Variants in ASTN2 observed in about 807,000 individuals in gnomAD.
ASTN2 encodes the protein astrotactin-2.
In ASTN2, 54 loss-of-function variants were observed where a neutral mutation model predicts 139.8. That is an observed-to-expected ratio of 0.39 (90% CI 0.31 to 0.48). The LOEUF (loss-of-function observed/expected upper bound fraction) is 0.48, where lower values mean the gene tolerates loss of function less well. Among genes scored for constraint, ASTN2 ranks in the 20% least tolerant of loss-of-function variants. The pLI, the probability that ASTN2 is intolerant of heterozygous loss-of-function variation, is 0.95. For missense variants in ASTN2, 1,565 were observed against 1,725.1 expected (o/e 0.91, Z 1.64); for synonymous variants, 756 against 719.5 (o/e 1.05, Z -0.81).
chr9:116,436,045 G>T (rs1396042), intron 22 of ASTN2, among the ~76,000 whole-genome samples: 140,518 of 152,232 alleles, frequency 0.92, 64,866 homozygotes, highest in East Asian at 0.96. Context: ...AGTCTTTTCC[G>T]CACTAGATGC....
chr9:116,477,163 C>T (rs1256916908), intron 20 of ASTN2, among the ~76,000 whole-genome samples: 3 of 152,092 alleles, frequency 2.0e-5, no homozygotes, highest in African/African-American at 7.2e-5. Context: ...CTTGAGAGTC[C>T]CCAGCAGGTT....
At chr9:116,885,695 A>AC (rs1224740537) in intron 10 of ASTN2, among the ~76,000 whole-genome samples, 1 of 152,120 alleles carries the variant, frequency 6.6e-6, no homozygotes, top group African/African-American at 2.4e-5. Flanking sequence ...AAACAAACAA[A>AC]AAAAAACCTC....
At chr9:116,655,016 C>T (rs1858127106) in intron 16 of ASTN2, among the ~76,000 whole-genome samples, 1 of 152,134 alleles carries the variant, frequency 6.6e-6, no homozygotes, top group South Asian at 2.1e-4. Flanking sequence ...GAAAATTGCA[C>T]CACAGTAGCA....
chr9:117,347,300 C>T (rs1316438811), intron 1 of ASTN2, among the ~76,000 whole-genome samples: 1 of 152,060 alleles, frequency 6.6e-6, no homozygotes, highest in African/African-American at 2.4e-5. Context: ...ATACATTATA[C>T]TGATAGCGCA....
chr9:116,754,998 A>C (rs750981026), intron 13 of ASTN2, among the ~76,000 whole-genome samples: 3 of 152,106 alleles, frequency 2.0e-5, no homozygotes, highest in Non-Finnish European at 2.9e-5. Flanking sequence ...CTTCATTCTG[A>C]ACCAGTTTTG....
intron 4 of ASTN2, among the ~76,000 whole-genome samples, chr9:117,098,787 A>AG (rs921558633): frequency 1.3e-5 from 2 of 151,740 alleles, no homozygotes; most frequent in African/African-American, 2.4e-5. Flanking sequence ...TTAAAAAAAA[A>AG]AAAAAGAAGA....
chr9:117,227,204 C>T (rs1832743641), intron 2 of ASTN2, among the ~76,000 whole-genome samples: 1 of 152,166 alleles, frequency 6.6e-6, no homozygotes, highest in African/African-American at 2.4e-5. Flanking sequence ...TTTGCACCTG[C>T]TCTACCACAG....
chr9:116,766,969 C>T (rs1263612253), intron 13 of ASTN2, among the ~76,000 whole-genome samples: 1 of 151,758 alleles, frequency 6.6e-6, no homozygotes, highest in East Asian at 1.9e-4. Flanking sequence ...AGTAACATCA[C>T]ACACAGAAGC....
chr9:116,863,956 T>A (rs1832957836), intron 10 of ASTN2, among the ~76,000 whole-genome samples: 1 of 152,192 alleles, frequency 6.6e-6, no homozygotes, highest in Admixed American at 6.5e-5. Flanking sequence ...CTATACTCTT[T>A]ATTTTATTAA....
intron 7 of ASTN2, among the ~76,000 whole-genome samples, chr9:116,992,705 T>G (rs1298624988): frequency 1.3e-5 from 2 of 152,162 alleles, no homozygotes; most frequent in Non-Finnish European, 2.9e-5. Flanking sequence ...AACTGGGTCT[T>G]GGGCTCAAAC....
chr9:117,405,344 T>C (rs1163879100), intron 1 of ASTN2, among the ~76,000 whole-genome samples: 3 of 152,216 alleles, frequency 2.0e-5, no homozygotes, highest in Non-Finnish European at 2.9e-5. Flanking sequence ...GGTAGGTTCC[T>C]TCACTCCTCT....
At chr9:117,111,666 T>A (rs1829253425) in intron 4 of ASTN2, among the ~76,000 whole-genome samples, 1 of 152,086 alleles carries the variant, frequency 6.6e-6, no homozygotes, top group African/African-American at 2.4e-5. Flanking sequence ...CCAAATTTGA[T>A]GTAAGATATA....
intron 19 of ASTN2, among the ~76,000 whole-genome samples, chr9:116,511,176 G>C (rs906675518): frequency 6.6e-5 from 10 of 152,054 alleles, no homozygotes; most frequent in African/African-American, 9.7e-5. Context: ...AGATACGTCC[G>C]ATCAATACCT....
At chr9:116,742,044 C>T (rs980545816) in intron 13 of ASTN2, among the ~76,000 whole-genome samples, 5 of 152,210 alleles carry the variant, frequency 3.3e-5, no homozygotes, top group Non-Finnish European at 7.3e-5. Context: ...TACTCACAGG[C>T]TGATAGGAGA....
intron 19 of ASTN2, among the ~76,000 whole-genome samples, chr9:116,517,775 G>T (rs539540899): frequency 5.2e-4 from 79 of 152,122 alleles, no homozygotes; most frequent in African/African-American, 1.9e-3. Flanking sequence ...GATATGAAAG[G>T]AAAATTCTTC....
chr9:116,991,120 C>T (rs1320901845), intron 7 of ASTN2, among the ~76,000 whole-genome samples: 1 of 151,906 alleles, frequency 6.6e-6, no homozygotes, highest in Non-Finnish European at 1.5e-5. Context: ...AAGGCAGGGA[C>T]ATAACAGACC....
At chr9:116,488,749 T>TTAA (rs1196688695) in intron 19 of ASTN2, among the ~76,000 whole-genome samples, 2 of 152,186 alleles carry the variant, frequency 1.3e-5, no homozygotes, top group Non-Finnish European at 2.9e-5. Context: ...AAACAAATGT[T>TTAA]TAAGGTGGAC....
intron 22 of ASTN2, among the ~76,000 whole-genome samples, chr9:116,434,508 G>A (rs1037386744): frequency 2.0e-5 from 3 of 152,162 alleles, no homozygotes; most frequent in Admixed American, 6.5e-5. Context: ...TGATTTCTGC[G>A]ATCTATTCGT....
intron 12 of ASTN2, among the ~76,000 whole-genome samples, chr9:116,806,283 G>A (rs1345230235): frequency 6.6e-6 from 1 of 152,164 alleles, no homozygotes; most frequent in Admixed American, 6.5e-5. Context: ...GACAGCACAA[G>A]GCTTCTGTTC....
Sources: gnomAD v4.1 joint callset for allele counts (sites outside exome capture counted in the v4.1 genomes callset) on GRCh38, gnomAD v4.1.1 for gene constraint, MANE v1.5 for transcripts, NCBI Gene and HGNC (gene_info 2026-07-23, HGNC 2026-07-21) for gene names.